The following CSGALNACT1 variants were observed in gnomAD, a reference collection of about 807,000 sequenced individuals.
The protein encoded by CSGALNACT1 is chondroitin sulfate N-acetylgalactosaminyltransferase 1.
A neutral mutation model predicts 51.0 loss-of-function variants in CSGALNACT1; 52 were observed. The observed-to-expected ratio is 1.02, with a 90% CI of 0.82 to 1.29. The LOEUF (loss-of-function observed/expected upper bound fraction) is 1.29, where lower values mean the gene tolerates loss of function less well. CSGALNACT1 is among the 50% of genes most tolerant of loss of function. The probability of loss-of-function intolerance (pLI) is 0.00; values close to 1 mark genes in which losing one functional copy is unlikely to be tolerated. For synonymous variants in CSGALNACT1, 341 were observed against 254.4 expected (o/e 1.34, Z -3.24); for missense variants, 935 against 679.2 (o/e 1.38, Z -4.19).
chr8:19,540,000 A>G (rs895498602), intron 3 of CSGALNACT1, among the ~76,000 whole-genome samples: 3 of 152,188 alleles, frequency 2.0e-5, no homozygotes, highest in Admixed American at 2.0e-4. Flanking sequence ...GAACTAGTCA[A>G]CTAGTTAGTG....
chr8:19,658,233 G>A (rs993345758), intron 1 of CSGALNACT1, among the ~76,000 whole-genome samples: 3 of 152,022 alleles, frequency 2.0e-5, no homozygotes, highest in African/African-American at 4.8e-5. Flanking sequence ...ACACAGCCAG[G>A]AGGTAGCTGT....
chr8:19,436,526 A>C (rs2060401720), intron 6 of CSGALNACT1, among the ~76,000 whole-genome samples: 1 of 152,246 alleles, frequency 6.6e-6, no homozygotes, highest in Admixed American at 6.5e-5. Context: ...TTATTCAGAA[A>C]TAAGATACCT....
chr8:19,546,654 C>T (rs1236916947), intron 3 of CSGALNACT1, among the ~76,000 whole-genome samples: 2 of 152,178 alleles, frequency 1.3e-5, no homozygotes, highest in East Asian at 1.9e-4. Context: ...TTGTTTCTTC[C>T]CCCTACCCAT....
chr8:19,491,621 C>G (rs1587114979), intron 4 of CSGALNACT1, among the ~76,000 whole-genome samples: 1 of 152,130 alleles, frequency 6.6e-6, no homozygotes, highest in African/African-American at 2.4e-5. Flanking sequence ...ATCTGTATCT[C>G]TTTTGTGATC....
intron 3 of CSGALNACT1, among the ~76,000 whole-genome samples, chr8:19,580,117 A>T (rs1438889221): frequency 6.6e-6 from 1 of 152,250 alleles, no homozygotes; most frequent in Non-Finnish European, 1.5e-5. Flanking sequence ...GGACGAGCAG[A>T]CAGCTGCAGC....
At chr8:19,416,165 A>T (rs2153686943) in intron 8 of CSGALNACT1, among the ~76,000 whole-genome samples, 1 of 129,916 alleles carries the variant, frequency 7.7e-6, no homozygotes, top group South Asian at 2.5e-4. Flanking sequence ...CCCAGGCTGG[A>T]GTGCAGTGGC....
chr8:19,458,316 G>C, intron 5 of CSGALNACT1, 110 bp downstream of exon 4: 1 of 951,638 alleles, frequency 1.1e-6, no homozygotes, highest in Non-Finnish European at 1.7e-6. Flanking sequence ...CTGAATAAGA[G>C]AAAGGAGGCT....
At chr8:19,586,661 A>G (rs1401613412) in intron 3 of CSGALNACT1, among the ~76,000 whole-genome samples, 1 of 152,136 alleles carries the variant, frequency 6.6e-6, no homozygotes, top group African/African-American at 2.4e-5. Context: ...CAGACTTGGA[A>G]TCAGGTTTTC....
rs572359152 is a variant in CSGALNACT1 at position 19,711,125 on chromosome 8, T to C, written c.-297+46725A>G. ...TATATTTCCAAAGGCAACATAGCTT[T>C]AGATTTTTATATGTCTTTAAAGGAT... On this transcript the variant is annotated intron_variant, in intron 1 of 1. Transcript: ENST00000517494. 2.0e-5 allele frequency among the ~76,000 whole-genome samples: 3 copies of C among 152,304 alleles called. No homozygotes were observed. In the East Asian group the frequency reaches 5.8e-4, roughly 29 times the overall value.
chr8:19,460,579 G>A (rs1236043415), intron 4 of CSGALNACT1, among the ~76,000 whole-genome samples: 4 of 152,108 alleles, frequency 2.6e-5, no homozygotes, highest in Non-Finnish European at 2.9e-5. Flanking sequence ...GTCACTGACT[G>A]GCTACAGAAA....
intron 1 of CSGALNACT1, among the ~76,000 whole-genome samples, chr8:19,661,008 GT>G (rs2058704578): frequency 6.6e-6 from 1 of 152,194 alleles, no homozygotes; most frequent in African/African-American, 2.4e-5. Flanking sequence ...TGCCTCCTGG[GT>G]TCAAGCGAAT....
exon 5 of CSGALNACT1, chr8:19,458,629 T>A (rs1450441940): frequency 1.9e-6 from 3 of 1,614,194 alleles, no homozygotes; most frequent in Non-Finnish European, 2.5e-6. Context: ...TGTCCCTTTC[T>A]GTTCGGTAGA....
chr8:19,666,789 A>G (rs868232749), intron 1 of CSGALNACT1, among the ~76,000 whole-genome samples: 253 of 21,334 alleles, frequency 0.012, no homozygotes, highest in Middle Eastern at 0.04. Flanking sequence ...GAAAGAAAGA[A>G]AGAAAGAAAG....
At chr8:19,754,744 T>G (rs1003974919) in intron 1 of CSGALNACT1, among the ~76,000 whole-genome samples, 1 of 152,228 alleles carries the variant, frequency 6.6e-6, no homozygotes, top group Non-Finnish European at 1.5e-5. Context: ...GAAGTTAAAT[T>G]TCTTTGCTAC....
chr8:19,568,776 C>G (rs1434451093), intron 3 of CSGALNACT1, among the ~76,000 whole-genome samples: 1 of 152,122 alleles, frequency 6.6e-6, no homozygotes, highest in Non-Finnish European at 1.5e-5. Flanking sequence ...AAATTTCTGT[C>G]TCAATTTTTA....
chr8:19,471,020 TG>T lies in CSGALNACT1; in HGVS notation c.635-12379del, dbSNP rs924107067. On this transcript the variant is annotated intron_variant, in intron 4 of 9. Coordinates refer to ENST00000454498, the Ensembl canonical transcript of CSGALNACT1. ...CTGAGGCACGAGAGTCGCTTGAACCTGGGAGGTGGAGGTTTCAGTGAGCCAA... is the reference window on the plus strand; with the variant it reads ...CTGAGGCACGAGAGTCGCTTGAACCTGGAGGTGGAGGTTTCAGTGAGCCAA... Among the ~76,000 whole-genome samples, 68 of 151,908 alleles carry T rather than the reference TG, an allele frequency of 4.5e-4. 1 individual carries two copies. The highest frequency in any genetic ancestry group is 1.5e-3 in the African/African-American group (61 of 41,416).
In CSGALNACT1 at chr8:19,689,288, C is replaced by T. The variant is rs944159301; in HGVS notation, c.-297+68562G>A. Among the ~76,000 whole-genome samples, 7 of 152,098 alleles carry T rather than the reference C, an allele frequency of 4.6e-5. No individual in the cohort carries two copies. In the East Asian group the frequency reaches 9.7e-4, roughly 21 times the overall value. On this transcript the variant is annotated intron_variant, in intron 1 of 1. Coordinates refer to the CSGALNACT1 transcript ENST00000517494. ...ATGACAAGGTCCAGGCAGCCCATGGCGTGTTCTACATGAAGAGGGCCATTT... is the reference window on the plus strand; with the variant it reads ...ATGACAAGGTCCAGGCAGCCCATGGTGTGTTCTACATGAAGAGGGCCATTT...
intron 3 of CSGALNACT1, among the ~76,000 whole-genome samples, chr8:19,520,968 A>T: frequency 6.6e-6 from 1 of 152,198 alleles, no homozygotes; most frequent in Non-Finnish European, 1.5e-5. Context: ...GCTTTCGCAG[A>T]TGTGTGTTCA....
chr8:19,523,503 C>T (rs1306804172), intron 3 of CSGALNACT1, among the ~76,000 whole-genome samples: 2 of 151,984 alleles, frequency 1.3e-5, no homozygotes, highest in Admixed American at 1.3e-4. Context: ...CTCCTGGGCT[C>T]CAGCGATCCA....
Sources: allele counts gnomAD v4.1 joint callset (sites outside exome capture counted in the v4.1 genomes callset), GRCh38; gene constraint gnomAD v4.1.1; transcripts MANE v1.5; gene names NCBI Gene and HGNC (gene_info 2026-07-23, HGNC 2026-07-21).